Variants in ALOXE3 observed in about 807,000 individuals in gnomAD.
ALOXE3 encodes the protein hydroperoxide isomerase ALOXE3.
A neutral mutation model predicts 87.5 loss-of-function variants in ALOXE3; 78 were observed. The observed-to-expected ratio is 0.89, with a 90% CI of 0.74 to 1.08. The LOEUF is 1.08. Among genes scored for constraint, ALOXE3 ranks in the 50% least tolerant of loss-of-function variants. ALOXE3 has a pLI of 0.00. For missense variants in ALOXE3, 946 were observed against 912.4 expected, an observed-to-expected ratio of 1.04 and a Z score of -0.47; for synonymous variants, 363 against 370.8, an observed-to-expected ratio of 0.98 and a Z score of 0.24.
In ALOXE3 at chr17:8,115,628, C is replaced by T. The variant is rs761657026; in HGVS notation, c.413G>A (p.Arg138Gln). The change falls in exon 4 of 16, where the codon CGG becomes CAG. Residue 138 changes from arginine to glutamine, a missense_variant. Arg to Gln is a conservative substitution (Grantham distance 43). Transcript: ENST00000448843. Reference protein sequence around the residue: ...LLLDHRTRELRARQECYRWKI... With the variant: ...LLLDHRTRELQARQECYRWKI... ...TCACCGGTAGCATTCTTGTCGGGCC[C>T]GGAGCTCCCGTGTCCTGTGATCCAG... is the stretch of plus-strand genomic sequence containing the variant. The T allele has an allele frequency of 1.5e-5, 24 of 1,613,894 alleles. No homozygotes were observed. Among genetic ancestry groups the T allele is most frequent in the South Asian group, 5.5e-5 (5 of 91,092 alleles).
Position 8,115,013 on chromosome 17 carries a change from T to C in ALOXE3, c.479A>G (p.Asn160Ser). Reference sequence around the variant, plus strand: ...GTCTGACTCCATCTCCTGAAAGCTGTTGACGTCTACCATGCAGGGGAAGCC... The same window carrying C: ...GTCTGACTCCATCTCCTGAAAGCTGCTGACGTCTACCATGCAGGGGAAGCC... ...APGFPCMVDV[N>S]SFQEMESDKK... is the part of the protein sequence containing the mutation. Residue 160 changes from asparagine (N) to serine (S), a missense_variant, in exon 5 of 16, where the codon AAC becomes AGC. By Grantham distance (46) the Asn-to-Ser change is conservative. Transcript: ENST00000448843. The C allele has an allele frequency of 6.2e-7, 1 of 1,614,150 alleles. No homozygotes were observed. Among genetic ancestry groups the C allele is most frequent in the Non-Finnish European group, 8.5e-7 (1 of 1,179,994 alleles).
intron 15 of ALOXE3, among the ~76,000 whole-genome samples, chr17:8,097,344 A>G (rs989497429): frequency 3.1e-4 from 47 of 152,148 alleles, no homozygotes; most frequent in Non-Finnish European, 4.6e-4. Context: ...TCTGTGAACT[A>G]AAAGAACGAA....
At chr17:8,110,558 C>T in intron 8 of ALOXE3, 30 bp from the exon 9 acceptor site, 2 of 1,613,230 alleles carry the variant, frequency 1.2e-6, no homozygotes, top group African/African-American at 1.3e-5. Context: ...GCTGAGTGTC[C>T]CTCCCTACTC....
intron 11 of ALOXE3, 21 bp from the exon 12 acceptor site, chr17:8,109,364 G>T: frequency 6.2e-7 from 1 of 1,611,468 alleles, no homozygotes; most frequent in South Asian, 1.1e-5. Flanking sequence ...AGCACAGCTC[G>T]GCTCCCGGGC....
chr17:8,113,712 A>G (rs928770182), intron 6 of ALOXE3, among the ~76,000 whole-genome samples: 1 of 151,788 alleles, frequency 6.6e-6, no homozygotes, highest in African/African-American at 2.4e-5. Flanking sequence ...GTGTGGCAAT[A>G]GGTCAATAAC....
At position 8,118,038 on chromosome 17, in the gene ALOXE3, G is replaced by A. The variant is rs114191523; in HGVS notation, c.-48C>T. On this transcript the variant is annotated 5_prime_UTR_variant, in exon 2 of 16. Coordinates refer to ENST00000448843, the MANE Select transcript of ALOXE3 (RefSeq NM_021628.3). ...CCCGGCAACGCTGGCCGCAGCAGCA[G>A]CCGGCCTGGAGGAGAAGAGCGGCAC... is the stretch of plus-strand genomic sequence containing the variant. 5.5e-4 allele frequency: 880 copies of A among 1,599,752 alleles called. 4 individuals are homozygous for A. In the African/African-American group the frequency reaches 0.011, roughly 20 times the overall value.
chr17:8,105,065 G>A (rs1567993980), intron 13 of ALOXE3, among the ~76,000 whole-genome samples: 1 of 152,114 alleles, frequency 6.6e-6, no homozygotes, highest in Admixed American at 6.5e-5. Context: ...ACCTCACACT[G>A]CACACTGGCA....
intron 13 of ALOXE3, among the ~76,000 whole-genome samples, chr17:8,108,248 A>G (rs1979680225): frequency 6.6e-6 from 1 of 152,216 alleles, no homozygotes; most frequent in Non-Finnish European, 1.5e-5. Flanking sequence ...CCAGAGGGGC[A>G]CAGAGCAGTG....
chr17:8,115,262 G>A (rs1980486569), intron 4 of ALOXE3, among the ~76,000 whole-genome samples: 2 of 152,252 alleles, frequency 1.3e-5, no homozygotes, highest in Non-Finnish European at 2.9e-5. Flanking sequence ...CTGGGTTAGA[G>A]ATGGGTTTGT....
intron 7 of ALOXE3, 103 bp from the exon 8 acceptor site, chr17:8,111,634 A>G: frequency 8.2e-7 from 1 of 1,213,792 alleles, no homozygotes; most frequent in Non-Finnish European, 1.2e-6. Context: ...TTTCTTCCCA[A>G]AAACTCTATG....
intron 11 of ALOXE3, among the ~76,000 whole-genome samples, chr17:8,109,601 G>A (rs1192576598): frequency 6.6e-6 from 1 of 151,596 alleles, no homozygotes; most frequent in Non-Finnish European, 1.5e-5. Context: ...TGGGCTCAGG[G>A]TCAGCTGAGG....
intron 12 of ALOXE3, 107 bp downstream of exon 12, chr17:8,109,067 A>T: frequency 6.7e-7 from 1 of 1,495,620 alleles, no homozygotes; most frequent in Non-Finnish European, 9.1e-7. Context: ...TCCCTATGCT[A>T]GGGTGTGAAA....
chr17:8,115,688 G>T lies in ALOXE3; in HGVS notation c.353C>A (p.Ala118Glu). 1.9e-6 allele frequency: 3 copies of T among 1,612,624 alleles called. No homozygotes were observed. The highest frequency in any genetic ancestry group is 1.1e-5 in the South Asian group (1 of 91,058). ...YCTVELRPGTARTICQDSLPL... is the reference protein window; with the variant it reads ...YCTVELRPGTERTICQDSLPL... ...AAGAGAGTCCTGACAAATAGTTCTT[G>T]CTGTGGGGAATGAAAATTACTCTTG... Residue 118 changes from alanine (A) to glutamate (E), a missense_variant and splice_region_variant, in exon 4 of 16, where the codon GCA becomes GAA. Coordinates refer to ENST00000448843, the MANE Select transcript of ALOXE3 (RefSeq NM_021628.3).
chr17:8,115,438 T>C (rs1980501600), intron 4 of ALOXE3, among the ~76,000 whole-genome samples, 169 bp downstream of exon 4: 1 of 152,190 alleles, frequency 6.6e-6, no homozygotes, highest in Non-Finnish European at 1.5e-5. Context: ...ACTATTGGTG[T>C]TCTCAGTTCA....
At chr17:8,114,855 C>A in intron 5 of ALOXE3, 83 bp downstream of exon 5, 1 of 1,592,106 alleles carries the variant, frequency 6.3e-7, no homozygotes, top group Non-Finnish European at 8.6e-7. Context: ...CCTACCCCTC[C>A]TTCCTGGCTA....
chr17:8,105,127 C>T (rs985575114), intron 13 of ALOXE3, among the ~76,000 whole-genome samples: 3 of 152,228 alleles, frequency 2.0e-5, no homozygotes, highest in African/African-American at 4.8e-5. Context: ...CCTCGGAGGG[C>T]TTCCCATCTC....
At chr17:8,115,790 C>T in intron 3 of ALOXE3, 102 bp from the exon 4 acceptor site, 3 of 1,169,072 alleles carry the variant, frequency 2.6e-6, no homozygotes, top group Non-Finnish European at 3.8e-6. Flanking sequence ...ATCCGACAGC[C>T]ACATCCCTGT....
intron 13 of ALOXE3, among the ~76,000 whole-genome samples, chr17:8,107,442 A>G (rs1449546346): frequency 2.0e-5 from 3 of 152,148 alleles, no homozygotes; most frequent in African/African-American, 7.2e-5. Flanking sequence ...TCTTGAACCC[A>G]GGAGGTGGAG....
At position 8,096,816 on chromosome 17, in the gene ALOXE3, C is replaced by A; in HGVS notation, c.1957-10G>T. ...AGGTGCCCAGGGGCCTCTGGGAGGA[C>A]ATCAGGTAAGAGGTCAGGATGACAT... On this transcript the variant is annotated splice_polypyrimidine_tract_variant and intron_variant, in intron 15 of 15. Transcript: ENST00000448843. 6.2e-7 allele frequency: 1 copy of A among 1,613,906 alleles called. No individual in the cohort carries two copies. The highest frequency in any genetic ancestry group is 8.5e-7 in the Non-Finnish European group (1 of 1,179,864).
Sources: allele counts gnomAD v4.1 joint callset (sites outside exome capture counted in the v4.1 genomes callset), GRCh38; gene constraint gnomAD v4.1.1; transcripts MANE v1.5; gene names NCBI Gene and HGNC (gene_info 2026-07-23, HGNC 2026-07-21).